The following GPD2 variants were observed in gnomAD, a reference collection of about 807,000 sequenced individuals.
The protein encoded by GPD2 is glycerol-3-phosphate dehydrogenase 2.
Under a neutral mutation model 82.4 loss-of-function variants are expected in GPD2, and 54 were observed. The observed-to-expected ratio is 0.66, with a 90% confidence interval of 0.53 to 0.82. The LOEUF (loss-of-function observed/expected upper bound fraction) is 0.82. Among genes scored for constraint, GPD2 ranks in the 40% least tolerant of loss-of-function variants. GPD2 has a pLI of 0.00. For synonymous variants in GPD2, 288 were observed against 306.1 expected (o/e 0.94, Z 0.62); for missense variants, 748 against 896.2 (o/e 0.83, Z 2.11).
At chr2:156,484,421 G>A (rs918997062) in intron 2 of GPD2, among the ~76,000 whole-genome samples, 3 of 152,178 alleles carry the variant, frequency 2.0e-5, no homozygotes, top group South Asian at 2.1e-4. Context: ...ACAGGCGTGA[G>A]CCCAGTCCCA....
intron 1 of GPD2, among the ~76,000 whole-genome samples, chr2:156,474,040 A>T (rs1305414677): frequency 3.3e-5 from 5 of 152,158 alleles, no homozygotes; most frequent in African/African-American, 4.8e-5. Flanking sequence ...AATCATTAAA[A>T]TTTTTTTTAG....
intron 9 of GPD2, among the ~76,000 whole-genome samples, chr2:156,568,332 G>T (rs963932096): frequency 2.0e-5 from 3 of 152,148 alleles, no homozygotes; most frequent in Admixed American, 2.0e-4. Flanking sequence ...AAACACTCAG[G>T]AAGAGGGTGG....
At position 156,496,216 on chromosome 2, in the gene GPD2, G is replaced by GT. The variant is rs758346865; in HGVS notation, c.274+2dup. 2.0e-5 allele frequency: 32 copies of GT among 1,599,968 alleles called. No homozygotes were observed. The highest frequency in any genetic ancestry group is 2.4e-5 in the Non-Finnish European group (28 of 1,168,074). Reference sequence around the variant, plus strand: ...TGTGCGCTAGATGCTGTCACCAGAGGTAAGTCTTTTTTTTTTTTATTTTAA... The same window carrying GT: ...TGTGCGCTAGATGCTGTCACCAGAGGTTAAGTCTTTTTTTTTTTTATTTTAA... On this transcript the variant is annotated splice_donor_variant, in intron 3 of 16. Coordinates refer to ENST00000438166, the MANE Select transcript of GPD2 (RefSeq NM_000408.5). LOFTEE classifies it high-confidence loss of function.
the GPD2 span, among the ~76,000 whole-genome samples, chr2:156,401,181 G>A: frequency 6.6e-5 from 10 of 152,286 alleles, no homozygotes; most frequent in South Asian, 4.1e-4. Context: ...GGCCTCCCGC[G>A]TGGCAGGCGA....
chr2:156,511,931 G>A (rs1030280247), intron 4 of GPD2, among the ~76,000 whole-genome samples: 16 of 152,252 alleles, frequency 1.1e-4, no homozygotes, highest in African/African-American at 3.4e-4. Flanking sequence ...CAATCCAGAG[G>A]ATGCAAGATA....
intron 2 of GPD2, among the ~76,000 whole-genome samples, chr2:156,493,905 A>G (rs1018955048): frequency 4.3e-5 from 6 of 139,066 alleles, no homozygotes; most frequent in African/African-American, 1.7e-4. Flanking sequence ...TATTCTTTCT[A>G]TGTACTTGTT....
At chr2:156,524,948 G>A (rs1472630347) in intron 6 of GPD2, among the ~76,000 whole-genome samples, 1 of 152,012 alleles carries the variant, frequency 6.6e-6, no homozygotes, top group Non-Finnish European at 1.5e-5. Context: ...AGGTTAAGGG[G>A]TTATAAAATG....
At chr2:156,401,431 A>G in the GPD2 span, among the ~76,000 whole-genome samples, 3 of 152,202 alleles carry the variant, frequency 2.0e-5, no homozygotes, top group Non-Finnish European at 2.9e-5. Flanking sequence ...CTCTTTGGTG[A>G]AGGAGGCAAA....
At chr2:156,529,673 C>A (rs2105303019) in intron 6 of GPD2, among the ~76,000 whole-genome samples, 1 of 151,448 alleles carries the variant, frequency 6.6e-6, no homozygotes, top group East Asian at 2.0e-4. Context: ...CCAGTTTTCC[C>A]AGCACCATTT....
the GPD2 span, among the ~76,000 whole-genome samples, chr2:156,418,320 G>A: frequency 6.6e-6 from 1 of 152,004 alleles, no homozygotes; most frequent in African/African-American, 2.4e-5. Flanking sequence ...AACCTGGGAG[G>A]CGGAGGTTGC....
intron 1 of GPD2, among the ~76,000 whole-genome samples, chr2:156,468,275 A>G (rs1174303862): frequency 4.6e-5 from 7 of 152,188 alleles, no homozygotes; most frequent in Non-Finnish European, 8.8e-5. Context: ...CTTGCTGTCA[A>G]GCTATCCATG....
At chr2:156,551,074 TATAAAGGACGTATTTTAGTTAA>T (rs1410153543) in intron 8 of GPD2, among the ~76,000 whole-genome samples, 1 of 152,228 alleles carries the variant, frequency 6.6e-6, no homozygotes, top group Non-Finnish European at 1.5e-5. Context: ...CAAAATTTTT[TATAAAGGACGTATTTTAGTTAA>T]AACAATAAGA....
the GPD2 span, among the ~76,000 whole-genome samples, chr2:156,404,686 C>CAAAAAA: frequency 1.9e-4 from 12 of 64,368 alleles, 1 homozygote; most frequent in Non-Finnish European, 2.5e-4. Flanking sequence ...TTAAAAATAC[C>CAAAAAA]AAAAAAAAAA....
At chr2:156,448,815 T>G (rs1392844407) in intron 1 of GPD2, among the ~76,000 whole-genome samples, 5 of 152,240 alleles carry the variant, frequency 3.3e-5, no homozygotes, top group Admixed American at 6.5e-5. Flanking sequence ...GACCACAAAC[T>G]TGGTGGCTTA....
At chr2:156,413,845 G>A in the GPD2 span, among the ~76,000 whole-genome samples, 1 of 151,952 alleles carries the variant, frequency 6.6e-6, no homozygotes, top group Non-Finnish European at 1.5e-5. Flanking sequence ...CGGAGGTTGT[G>A]GTGAGCCAAG....
chr2:156,414,220 AT>A, the GPD2 span, among the ~76,000 whole-genome samples: 5 of 152,360 alleles, frequency 3.3e-5, no homozygotes, highest in Middle Eastern at 3.4e-3. Flanking sequence ...ATGTATTCTT[AT>A]TTCAATATTC....
At chr2:156,479,159 C>T (rs867096742) in intron 2 of GPD2, among the ~76,000 whole-genome samples, 1 of 152,162 alleles carries the variant, frequency 6.6e-6, no homozygotes, top group Non-Finnish European at 1.5e-5. Context: ...CTCCTGAAAA[C>T]CTTTGAGTCA....
intron 2 of GPD2, among the ~76,000 whole-genome samples, chr2:156,492,397 C>T (rs1263556897): frequency 6.6e-6 from 1 of 151,194 alleles, no homozygotes; most frequent in African/African-American, 2.4e-5. Context: ...AGGTGATCCT[C>T]CTGCTTTGGT....
At chr2:156,474,332 T>C (rs1683431437) in intron 1 of GPD2, among the ~76,000 whole-genome samples, 1 of 152,240 alleles carries the variant, frequency 6.6e-6, no homozygotes, top group Non-Finnish European at 1.5e-5. Context: ...TGATAATAGA[T>C]ACAGTTTATT....
Sources: gnomAD v4.1 joint callset for allele counts (sites outside exome capture counted in the v4.1 genomes callset) on GRCh38, gnomAD v4.1.1 for gene constraint, MANE v1.5 for transcripts, NCBI Gene and HGNC (gene_info 2026-07-23, HGNC 2026-07-21) for gene names.